Variants in PLB1 observed in about 807,000 individuals in gnomAD.
The protein encoded by PLB1 is phospholipase B1, membrane-associated.
Under a neutral mutation model 227.4 loss-of-function variants are expected in PLB1, and 242 were observed. That is an observed-to-expected ratio of 1.06 (90% CI 0.96 to 1.18). The LOEUF is 1.18. Among genes scored for constraint, PLB1 ranks in the 50% most tolerant of loss-of-function variants. The pLI, the probability that PLB1 is intolerant of heterozygous loss-of-function variation, is 0.00. For missense variants in PLB1, 1,858 were observed against 1,816.3 expected, an observed-to-expected ratio of 1.02 and a Z score of -0.42; for synonymous variants, 757 against 682.2, an observed-to-expected ratio of 1.11 and a Z score of -1.71.
intron 15 of PLB1, among the ~76,000 whole-genome samples, chr2:28,549,573 A>G (rs1045606638): frequency 2.0e-5 from 3 of 151,504 alleles, no homozygotes; most frequent in Non-Finnish European, 4.4e-5. Context: ...GTGCCACCAC[A>G]CCCAGCTAAT....
chr2:28,591,198 T>C, intron 30 of PLB1, 27 bp downstream of exon 30: 1 of 1,613,760 alleles, frequency 6.2e-7, no homozygotes, highest in Non-Finnish European at 8.5e-7. Flanking sequence ...TCCTCTTGAC[T>C]CACCAGGCAA....
intron 9 of PLB1, among the ~76,000 whole-genome samples, chr2:28,537,456 C>T (rs1299087284): frequency 6.6e-6 from 1 of 151,858 alleles, no homozygotes; most frequent in Non-Finnish European, 1.5e-5. Flanking sequence ...TTTGGGAGGC[C>T]GAGGTAGGTG....
intron 9 of PLB1, among the ~76,000 whole-genome samples, chr2:28,534,084 A>G (rs1178849335): frequency 1.3e-5 from 2 of 152,170 alleles, no homozygotes; most frequent in African/African-American, 4.8e-5. Context: ...ATAGTGTTAT[A>G]TTGTATGTAC....
At chr2:28,619,439 G>A (rs537245430) in intron 46 of PLB1, among the ~76,000 whole-genome samples, 88 of 152,130 alleles carry the variant, frequency 5.8e-4, no homozygotes, top group Admixed American at 1.2e-3. Flanking sequence ...CAAGGGGCAG[G>A]ATTCTTAAGG....
rs116673483 is a variant in PLB1, at chr2:28,573,315, G to C, written c.1433+10G>C. ...CAGGAGGCCGAGCTGAGTAAGCAGG[G>C]GTGACCGGGGCGGTGAACAGCACAG... On this transcript the variant is annotated intron_variant, in intron 21 of 57. Transcript: ENST00000327757. The C allele has an allele frequency of 6.2e-7, 1 of 1,603,166 alleles. No individual in the cohort carries two copies. Among genetic ancestry groups the C allele is most frequent in the Non-Finnish European group, 8.5e-7 (1 of 1,170,730 alleles).
intron 20 of PLB1, among the ~76,000 whole-genome samples, chr2:28,571,204 A>C (rs1390134717): frequency 6.6e-6 from 1 of 152,238 alleles, no homozygotes; most frequent in Non-Finnish European, 1.5e-5. Context: ...AATGAAATTA[A>C]TTCCATTTAC....
intron 26 of PLB1, among the ~76,000 whole-genome samples, chr2:28,587,384 G>A (rs1448484647): frequency 6.6e-6 from 1 of 152,206 alleles, no homozygotes; most frequent in African/African-American, 2.4e-5. Context: ...GGGAGACCAA[G>A]GCGGGAGGAT....
At chr2:28,524,127 G>T (rs2148184956) in intron 4 of PLB1, among the ~76,000 whole-genome samples, 1 of 152,310 alleles carries the variant, frequency 6.6e-6, no homozygotes, top group African/African-American at 2.4e-5. Context: ...TTGTGGCTGG[G>T]TGGTCAGGAC....
intron 44 of PLB1, among the ~76,000 whole-genome samples, chr2:28,615,146 A>G (rs975954268): frequency 1.3e-5 from 2 of 152,158 alleles, no homozygotes; most frequent in African/African-American, 4.8e-5. Flanking sequence ...CCCAGGCAGA[A>G]GGACCATGGA....
At chr2:28,532,259 C>G in intron 9 of PLB1, 65 bp downstream of exon 9, 3 of 1,330,578 alleles carry the variant, frequency 2.3e-6, no homozygotes, top group Non-Finnish European at 3.2e-6. Context: ...TGAACTAAAC[C>G]TGCCTGATTA....
chr2:28,547,046 A>C (rs879300362), intron 14 of PLB1, among the ~76,000 whole-genome samples: 1 of 151,970 alleles, frequency 6.6e-6, no homozygotes, highest in Admixed American at 6.6e-5. Flanking sequence ...ACTACAATAC[A>C]AGAAATTAGC....
At chr2:28,521,396 A>G (rs930698735) in intron 4 of PLB1, among the ~76,000 whole-genome samples, 3 of 152,170 alleles carry the variant, frequency 2.0e-5, no homozygotes, top group Non-Finnish European at 4.4e-5. Context: ...ATTCCCACCA[A>G]CAGTGCACAA....
chr2:28,619,178 T>C (rs2148324759), intron 46 of PLB1, among the ~76,000 whole-genome samples: 2 of 152,352 alleles, frequency 1.3e-5, no homozygotes, highest in African/African-American at 4.8e-5. Flanking sequence ...TTATGTTTCC[T>C]GATCCTCTCC....
At chr2:28,589,209 C>G (rs1446921181) in intron 26 of PLB1, among the ~76,000 whole-genome samples, 1 of 152,112 alleles carries the variant, frequency 6.6e-6, no homozygotes, top group African/African-American at 2.4e-5. Flanking sequence ...TTACCTTTCC[C>G]TTTTCACAGA....
At chr2:28,518,627 C>A (rs1669135210) in intron 3 of PLB1, 95 bp downstream of exon 3, 2 of 857,826 alleles carry the variant, frequency 2.3e-6, no homozygotes, top group African/African-American at 1.7e-5. Flanking sequence ...GGACCTGTTG[C>A]CCCTTCAAGT....
At chr2:28,580,253 C>T (rs1012985237) in intron 23 of PLB1, among the ~76,000 whole-genome samples, 2 of 152,236 alleles carry the variant, frequency 1.3e-5, no homozygotes, top group Non-Finnish European at 2.9e-5. Flanking sequence ...ACTAGTCTCC[C>T]ACCCACGCCT....
intron 9 of PLB1, among the ~76,000 whole-genome samples, chr2:28,536,350 A>G (rs1671677467): frequency 6.6e-6 from 1 of 152,214 alleles, no homozygotes; most frequent in African/African-American, 2.4e-5. Context: ...GGATCTGGAC[A>G]CTTGCTTACT....
intron 18 of PLB1, among the ~76,000 whole-genome samples, chr2:28,564,908 A>G (rs1008873378): frequency 2.0e-5 from 3 of 152,338 alleles, no homozygotes; most frequent in Non-Finnish European, 2.9e-5. Flanking sequence ...ATAATGATGT[A>G]TTTCCTTTTA....
chr2:28,543,964 C>T (rs1034566942), intron 14 of PLB1, among the ~76,000 whole-genome samples: 3 of 152,218 alleles, frequency 2.0e-5, no homozygotes, highest in Admixed American at 6.5e-5. Context: ...CTTTTCAGGG[C>T]GTCAGACAGA....
Sources: gnomAD v4.1 joint callset for allele counts (sites outside exome capture counted in the v4.1 genomes callset) on GRCh38, gnomAD v4.1.1 for gene constraint, MANE v1.5 for transcripts, NCBI Gene and HGNC (gene_info 2026-07-23, HGNC 2026-07-21) for gene names.